Variants in SLC35D4 observed in about 807,000 individuals in gnomAD.
The protein encoded by SLC35D4 is UDP-N-acetylglucosamine transporter SLC35D4.
At chr18:23,427,275 A>T in the SLC35D4 span, among the ~76,000 whole-genome samples, 1 of 152,260 alleles carries the variant, frequency 6.6e-6, no homozygotes, top group East Asian at 1.9e-4. Context: ...CCCATCTGAC[A>T]AACGGCTAAT....
the SLC35D4 span, among the ~76,000 whole-genome samples, chr18:23,337,780 GAAGA>G: frequency 6.6e-6 from 1 of 152,200 alleles, no homozygotes; most frequent in African/African-American, 2.4e-5. Context: ...ACATGTCACT[GAAGA>G]AAGAAAGACA....
the SLC35D4 span, chr18:23,370,071 C>T: frequency 1.5e-5 from 9 of 596,304 alleles, no homozygotes; most frequent in African/African-American, 1.2e-4. Context: ...CCCAGCTACT[C>T]GGGAGGCTGA....
the SLC35D4 span, among the ~76,000 whole-genome samples, chr18:23,358,699 C>G: frequency 6.6e-6 from 1 of 152,140 alleles, no homozygotes; most frequent in Admixed American, 6.5e-5. Context: ...TGTGTCAGCA[C>G]CATAACCAAT....
chr18:23,367,421 C>G, the SLC35D4 span, among the ~76,000 whole-genome samples: 2 of 152,084 alleles, frequency 1.3e-5, no homozygotes, highest in East Asian at 1.9e-4. Context: ...GGGACTGGGG[C>G]CCCCACAGTG....
chr18:23,348,814 G>T, the SLC35D4 span, among the ~76,000 whole-genome samples: 1 of 152,134 alleles, frequency 6.6e-6, no homozygotes, highest in South Asian at 2.1e-4. Context: ...TCTATTTTTT[G>T]TCAGGTATTT....
the SLC35D4 span, among the ~76,000 whole-genome samples, chr18:23,382,498 G>C: frequency 2.6e-5 from 4 of 151,870 alleles, no homozygotes; most frequent in African/African-American, 9.7e-5. Context: ...AAATCATGCT[G>C]TATCTCACTG....
the SLC35D4 span, among the ~76,000 whole-genome samples, chr18:23,285,283 C>T: frequency 1.3e-5 from 2 of 152,088 alleles, no homozygotes; most frequent in Non-Finnish European, 2.9e-5. Flanking sequence ...TTAAACTTGC[C>T]TCCTTCACTA....
At chr18:23,397,483 G>T in the SLC35D4 span, among the ~76,000 whole-genome samples, 1 of 152,184 alleles carries the variant, frequency 6.6e-6, no homozygotes, top group Non-Finnish European at 1.5e-5. Context: ...AAACAAAGAT[G>T]GGGAGCAGAA....
chr18:23,302,352 T>G, the SLC35D4 span, among the ~76,000 whole-genome samples: 1 of 152,220 alleles, frequency 6.6e-6, no homozygotes, highest in Non-Finnish European at 1.5e-5. Context: ...CCAGTGATTC[T>G]CAACTGGGGT....
the SLC35D4 span, among the ~76,000 whole-genome samples, chr18:23,367,419 G>A: frequency 6.6e-6 from 1 of 152,102 alleles, no homozygotes; most frequent in Admixed American, 6.5e-5. Context: ...GGGGGACTGG[G>A]GCCCCCACAG....
chr18:23,274,279 C>T, the SLC35D4 span, among the ~76,000 whole-genome samples: 1 of 152,214 alleles, frequency 6.6e-6, no homozygotes, highest in Non-Finnish European at 1.5e-5. Context: ...GCTCAATGGG[C>T]CATTCACCTC....
At chr18:23,415,168 T>C in the SLC35D4 span, among the ~76,000 whole-genome samples, 4 of 152,240 alleles carry the variant, frequency 2.6e-5, no homozygotes, top group East Asian at 7.7e-4. Flanking sequence ...CCTAAATGAT[T>C]GGTTAACTGT....
chr18:23,284,211 A>G, the SLC35D4 span, among the ~76,000 whole-genome samples: 1 of 152,128 alleles, frequency 6.6e-6, no homozygotes, highest in Admixed American at 6.5e-5. Flanking sequence ...TGTGACCTGT[A>G]TCTTGTGCTG....
the SLC35D4 span, among the ~76,000 whole-genome samples, chr18:23,314,905 G>T: frequency 4.6e-5 from 7 of 152,216 alleles, no homozygotes; most frequent in Non-Finnish European, 1.0e-4. Flanking sequence ...TCAACGGCTG[G>T]CACAACCTCT....
chr18:23,344,590 T>C, the SLC35D4 span, among the ~76,000 whole-genome samples: 1 of 134,208 alleles, frequency 7.5e-6, no homozygotes, highest in African/African-American at 2.8e-5. Context: ...TCTTTTTCTT[T>C]TTTTTTCTTC....
the SLC35D4 span, chr18:23,430,490 G>A: frequency 4.9e-6 from 3 of 607,656 alleles, no homozygotes; most frequent in Non-Finnish European, 2.8e-6. Context: ...GAACATAAAT[G>A]TCTGTTAATA....
chr18:23,289,713 C>A, the SLC35D4 span, among the ~76,000 whole-genome samples: 1 of 152,308 alleles, frequency 6.6e-6, no homozygotes, highest in East Asian at 1.9e-4. Context: ...TCCAGATGGC[C>A]GGTTCCTGCC....
the SLC35D4 span, among the ~76,000 whole-genome samples, chr18:23,299,589 C>G: frequency 6.6e-6 from 1 of 152,242 alleles, no homozygotes; most frequent in Non-Finnish European, 1.5e-5. Context: ...ACTAACTCTA[C>G]AGCAGTAATT....
chr18:23,283,560 A>T, the SLC35D4 span, among the ~76,000 whole-genome samples: 1 of 151,900 alleles, frequency 6.6e-6, no homozygotes, highest in African/African-American at 2.4e-5. Context: ...CTCTAATCCC[A>T]GCACTTTGGG....
Sources: gnomAD v4.1 joint callset for allele counts (sites outside exome capture counted in the v4.1 genomes callset) on GRCh38, gnomAD v4.1.1 for gene constraint, MANE v1.5 for transcripts, NCBI Gene and HGNC (gene_info 2026-07-23, HGNC 2026-07-21) for gene names.